SIRPG: variants seen among roughly 807,000 people sequenced by gnomAD.
SIRPG encodes the protein signal-regulatory protein gamma.
In SIRPG, 38 loss-of-function variants were observed where a neutral mutation model predicts 35.7. The observed-to-expected ratio is 1.06, with a 90% CI of 0.82 to 1.40. The LOEUF (loss-of-function observed/expected upper bound fraction) is 1.40. Among genes scored for constraint, SIRPG ranks in the 40% most tolerant of loss-of-function variants. The pLI, the probability that SIRPG is intolerant of heterozygous loss-of-function variation, is 0.00. For missense variants in SIRPG, 519 were observed against 483.0 expected (o/e 1.07, Z -0.70); for synonymous variants, 215 against 190.4 (o/e 1.13, Z -1.06).
At chr20:1,683,300 A>C in the SIRPG span, among the ~76,000 whole-genome samples, 2 of 152,212 alleles carry the variant, frequency 1.3e-5, no homozygotes, top group Admixed American at 1.3e-4. Context: ...TGTTGGTGAG[A>C]ATGTAAATTA....
rs570107389 is a variant in SIRPG at position 1,649,085 on chromosome 20, T to C, written c.397A>G (p.Lys133Glu). ...RKGSPENVEF[K>E]SGPGTEMALG... is the part of the protein sequence containing the mutation. ...GCCATCTCAGTGCCTGGTCCAGACT[T>C]AAACTCCACGTTCTCAGGGCTCCCT... Residue 133 changes from lysine (K) to glutamate (E), a missense_variant, in exon 2 of 6, where the codon AAG becomes GAG. Lys to Glu is a moderately conservative substitution (Grantham distance 56, BLOSUM62 1). Coordinates refer to ENST00000303415, the MANE Select transcript of SIRPG (RefSeq NM_018556.4). The C allele has an allele frequency of 1.2e-6, 2 of 1,613,932 alleles. No individual in the cohort carries two copies. The highest frequency in any genetic ancestry group is 2.2e-5 in the East Asian group (1 of 44,876).
At chr20:1,675,058 G>C in the SIRPG span, among the ~76,000 whole-genome samples, 2 of 152,170 alleles carry the variant, frequency 1.3e-5, no homozygotes, top group Non-Finnish European at 2.9e-5. Context: ...TGCAATTCTA[G>C]AGAGAAGCCT....
intron 1 of SIRPG, among the ~76,000 whole-genome samples, chr20:1,656,795 G>A (rs1469007992): frequency 2.0e-5 from 3 of 152,214 alleles, no homozygotes; most frequent in Non-Finnish European, 4.4e-5. Context: ...AAACGAATGG[G>A]TTGAAGCCCC....
rs773466471 is a variant in SIRPG at position 1,630,235 on chromosome 20, G to A, written c.1153C>T (p.Gln385Ter). 2 of 1,568,520 alleles carry A rather than the reference G, an allele frequency of 1.3e-6. No homozygotes were observed. The highest frequency in any genetic ancestry group is 1.2e-5 in the South Asian group (1 of 85,250). The change falls in exon 5 of 6, where the codon CAG becomes TAG. Residue 385 changes from glutamine (Q) to a stop codon, truncating the protein, a stop_gained. Coordinates refer to ENST00000303415, the MANE Select transcript of SIRPG (RefSeq NM_018556.4). LOFTEE classifies it high-confidence loss of function. ...CCTTGTACTTACAGTCAGGTCTTCT[G>A]CTTCCAGGGGACGTAGATGGGGCCC... is the stretch of plus-strand genomic sequence containing the variant. ...LLGPIYVPWK[Q>*]KT is the part of the protein sequence containing the mutation.
At chr20:1,642,915 G>GCCAGGGTTTCTGCTAAT (rs1487829344) in intron 2 of SIRPG, among the ~76,000 whole-genome samples, 19 of 152,320 alleles carry the variant, frequency 1.2e-4, no homozygotes, top group African/African-American at 4.6e-4. Flanking sequence ...CTCCTGGCTT[G>GCCAGGGTTTCTGCTAAT]TAGGGTTTCT....
the SIRPG span, among the ~76,000 whole-genome samples, chr20:1,668,364 C>T: frequency 4.6e-5 from 7 of 151,712 alleles, no homozygotes; most frequent in South Asian, 1.0e-3. Context: ...CTCACTGCAA[C>T]CTCTGCTTCT....
At chr20:1,682,996 C>T in the SIRPG span, among the ~76,000 whole-genome samples, 916 of 152,302 alleles carry the variant, frequency 6.0e-3, 13 homozygotes, top group African/African-American at 0.021. Flanking sequence ...GCAAATTATA[C>T]ATTTGATAAG....
At chr20:1,644,350 C>A (rs2091880479) in intron 2 of SIRPG, among the ~76,000 whole-genome samples, 1 of 152,204 alleles carries the variant, frequency 6.6e-6, no homozygotes, top group Non-Finnish European at 1.5e-5. Context: ...CCGCAGTTTG[C>A]CACAGCTGGT....
At chr20:1,659,848 C>T (rs564662748), upstream of SIRPG, among the ~76,000 whole-genome samples, 1 of 152,338 alleles carries the variant, frequency 6.6e-6, no homozygotes, top group South Asian at 2.1e-4. Flanking sequence ...AGGTGCCATG[C>T]TCCACGAGGC....
the SIRPG span, among the ~76,000 whole-genome samples, chr20:1,678,002 C>T: frequency 6.6e-6 from 1 of 152,254 alleles, no homozygotes; most frequent in Admixed American, 6.5e-5. Flanking sequence ...ATAATCATTA[C>T]ACTATGTATA....
the SIRPG span, among the ~76,000 whole-genome samples, chr20:1,682,648 A>G: frequency 6.6e-6 from 1 of 152,236 alleles, no homozygotes; most frequent in African/African-American, 2.4e-5. Context: ...TTATTGAGTA[A>G]ACTGGATATC....
upstream of SIRPG, among the ~76,000 whole-genome samples, chr20:1,658,913 C>T (rs548439524): frequency 6.6e-6 from 1 of 152,290 alleles, no homozygotes; most frequent in East Asian, 1.9e-4. Context: ...TCTGGATTCT[C>T]TAAATCCCGC....
the SIRPG span, among the ~76,000 whole-genome samples, chr20:1,681,680 T>TA: frequency 0.24 from 36,313 of 151,374 alleles, 5,115 homozygotes; most frequent in East Asian, 0.59. Flanking sequence ...AAAATAAAAA[T>TA]AAAAAAATAG....
intron 1 of SIRPG, among the ~76,000 whole-genome samples, chr20:1,654,980 G>T (rs960609783): frequency 2.6e-5 from 4 of 152,166 alleles, no homozygotes; most frequent in Non-Finnish European, 4.4e-5. Context: ...ACCGCAGTGG[G>T]CTATCATCTC....
At chr20:1,640,254 C>G (rs1180068598) in intron 2 of SIRPG, among the ~76,000 whole-genome samples, 1 of 151,996 alleles carries the variant, frequency 6.6e-6, no homozygotes, top group Non-Finnish European at 1.5e-5. Flanking sequence ...GAATGTTTTT[C>G]CATTTTTTTG....
At chr20:1,636,089 A>G in intron 3 of SIRPG, 99 bp downstream of exon 3, 1 of 1,538,408 alleles carries the variant, frequency 6.5e-7, no homozygotes, top group Non-Finnish European at 8.9e-7. Flanking sequence ...GTCAGGGATT[A>G]GATTACAGGC....
At chr20:1,675,831 T>A in the SIRPG span, among the ~76,000 whole-genome samples, 1 of 152,202 alleles carries the variant, frequency 6.6e-6, no homozygotes, top group South Asian at 2.1e-4. Context: ...TCAAAGAGCA[T>A]GTTTGTGTAA....
intron 2 of SIRPG, among the ~76,000 whole-genome samples, chr20:1,640,996 C>T (rs572359655): frequency 7.2e-5 from 11 of 152,162 alleles, no homozygotes; most frequent in Admixed American, 2.6e-4. Context: ...TGATGTGCTG[C>T]GGGATTCAGT....
chr20:1,669,344 G>C, the SIRPG span, among the ~76,000 whole-genome samples: 1 of 152,182 alleles, frequency 6.6e-6, no homozygotes, highest in Admixed American at 6.5e-5. Flanking sequence ...AAGCAGGAAG[G>C]GAGAGTATAG....
Sources: allele counts gnomAD v4.1 joint callset (sites outside exome capture counted in the v4.1 genomes callset), GRCh38; gene constraint gnomAD v4.1.1; transcripts MANE v1.5; gene names NCBI Gene and HGNC (gene_info 2026-07-23, HGNC 2026-07-21).